OLFM3: variants seen among roughly 807,000 people sequenced by gnomAD.
The protein encoded by OLFM3 is olfactomedin 3.
OLFM3 carries 20 observed loss-of-function variants against 48.6 expected under a neutral mutation model. That is an observed-to-expected ratio of 0.41 (90% CI 0.29 to 0.60). The LOEUF (loss-of-function observed/expected upper bound fraction) is 0.60, where lower values mean the gene tolerates loss of function less well. Among genes scored for constraint, OLFM3 ranks in the 20% least tolerant of loss-of-function variants. OLFM3 has a pLI of 0.28. For missense variants in OLFM3, 437 were observed against 544.3 expected (o/e 0.80, Z 1.96); for synonymous variants, 222 against 198.1 (o/e 1.12, Z -1.01).
At chr1:101,937,744 C>A (rs1425151725) in intron 1 of OLFM3, among the ~76,000 whole-genome samples, 2 of 152,140 alleles carry the variant, frequency 1.3e-5, no homozygotes, top group Non-Finnish European at 2.9e-5. Flanking sequence ...TCAGATATAC[C>A]AAAGTTCACT....
chr1:101,848,173 T>C (rs1189752665), intron 1 of OLFM3, among the ~76,000 whole-genome samples: 1 of 152,130 alleles, frequency 6.6e-6, no homozygotes, highest in Non-Finnish European at 1.5e-5. Flanking sequence ...ATCCAATATA[T>C]GTGTTTTAAA....
At chr1:101,828,741 C>T (rs774860728) in intron 3 of OLFM3, among the ~76,000 whole-genome samples, 3 of 152,264 alleles carry the variant, frequency 2.0e-5, no homozygotes, top group South Asian at 2.1e-4. Context: ...TGTCCATCTA[C>T]GCCAAACAGT....
chr1:101,911,758 C>T (rs1250107948), intron 1 of OLFM3, among the ~76,000 whole-genome samples: 2 of 152,168 alleles, frequency 1.3e-5, no homozygotes, highest in African/African-American at 4.8e-5. Flanking sequence ...GAAGCTACCA[C>T]CAAACCACCA....
At chr1:101,934,424 C>T (rs1184758744) in intron 1 of OLFM3, among the ~76,000 whole-genome samples, 1 of 152,128 alleles carries the variant, frequency 6.6e-6, no homozygotes, top group Non-Finnish European at 1.5e-5. Context: ...AGTTGGCTAT[C>T]CTAAATATAT....
At chr1:101,813,837 G>C (rs1252193988) in intron 4 of OLFM3, among the ~76,000 whole-genome samples, 1 of 152,062 alleles carries the variant, frequency 6.6e-6, no homozygotes, top group Admixed American at 6.6e-5. Flanking sequence ...ACTAATATTT[G>C]TAGTGTTAAT....
chr1:101,903,858 T>C (rs17472751), intron 1 of OLFM3, among the ~76,000 whole-genome samples: 27,470 of 152,054 alleles, frequency 0.18, 3,158 homozygotes, highest in Non-Finnish European at 0.27. Flanking sequence ...TACATGGCAA[T>C]ACATTATTTT....
intron 1 of OLFM3, among the ~76,000 whole-genome samples, chr1:101,961,867 C>T (rs534870477): frequency 2.6e-5 from 4 of 152,126 alleles, no homozygotes; most frequent in African/African-American, 9.6e-5. Flanking sequence ...CAATGTGTAC[C>T]TTGAAGGGTA....
chr1:101,858,413 C>A (rs942926846), intron 1 of OLFM3, among the ~76,000 whole-genome samples: 4 of 151,990 alleles, frequency 2.6e-5, no homozygotes, highest in African/African-American at 9.7e-5. Context: ...GACTCAAGAT[C>A]TCCCATTCTA....
At chr1:101,974,055 T>C (rs1660882001) in intron 1 of OLFM3, among the ~76,000 whole-genome samples, 1 of 151,930 alleles carries the variant, frequency 6.6e-6, no homozygotes, top group African/African-American at 2.4e-5. Context: ...TTACAATGCA[T>C]ATATACAAGG....
At position 101,874,686 on chromosome 1, in the gene OLFM3, C is replaced by A. The variant is rs1007601263; in HGVS notation, c.70-37661G>T. Among the ~76,000 whole-genome samples, 5 of 151,780 alleles carry A rather than the reference C, an allele frequency of 3.3e-5. No individual in the cohort carries two copies. The East Asian group carries it at 7.7e-4, about 23-fold the overall frequency. ...AGGCTCAAAAACATTAAAATTCTTG[C>A]CCAGGGTCACACAGAATAACTGGTA... On this transcript the variant is annotated intron_variant, in intron 1 of 5. Transcript: ENST00000370103.
At chr1:101,845,796 C>T (rs1436234087) in intron 1 of OLFM3, among the ~76,000 whole-genome samples, 1 of 152,164 alleles carries the variant, frequency 6.6e-6, no homozygotes, top group East Asian at 1.9e-4. Flanking sequence ...CTGCTGGTGC[C>T]TTAAGCACTG....
chr1:101,923,164 C>T (rs139400150), intron 1 of OLFM3, among the ~76,000 whole-genome samples: 124 of 152,288 alleles, frequency 8.1e-4, no homozygotes, highest in African/African-American at 2.7e-3. Context: ...ATTTCATAGG[C>T]ATATCTCTGT....
Position 101,911,662 on chromosome 1 carries a change from A to T in OLFM3, c.70-74637T>A, listed in dbSNP as rs1005602094. ...AGCAATGAGCTTTACACATACAGTT[A>T]ATGTTTTAAGGGGCTAATACATGCA... On this transcript the variant is annotated intron_variant, in intron 1 of 5. Transcript: ENST00000370103. 2.0e-5 allele frequency among the ~76,000 whole-genome samples: 3 copies of T among 152,204 alleles called. No individual in the cohort carries two copies. The East Asian group carries it at 5.8e-4, about 29-fold the overall frequency.
At position 101,942,876 on chromosome 1, in the gene OLFM3, T is replaced by C. The variant is rs576462832; in HGVS notation, c.69+53872A>G. ...GACCTTTAGCCTTTTAGCAATTAGA[T>C]CATAATTTTTTCTTTGGTTACTAAC... On this transcript the variant is annotated intron_variant, in intron 1 of 5. Transcript: ENST00000370103. 3.3e-5 allele frequency among the ~76,000 whole-genome samples: 5 copies of C among 152,314 alleles called. No individual in the cohort carries two copies. In the South Asian group the frequency reaches 1.0e-3, roughly 32 times the overall value.
chr1:101,949,643 T>C (rs1660059826), intron 1 of OLFM3, among the ~76,000 whole-genome samples: 1 of 152,142 alleles, frequency 6.6e-6, no homozygotes, highest in African/African-American at 2.4e-5. Context: ...AAAAAGCCTC[T>C]GATACGGCCT....
At chr1:101,953,930 A>C (rs1445820172) in intron 1 of OLFM3, among the ~76,000 whole-genome samples, 1 of 152,082 alleles carries the variant, frequency 6.6e-6, no homozygotes, top group African/African-American at 2.4e-5. Context: ...GAGAGTCTTT[A>C]ATGGAAAGCT....
chr1:101,991,426 G>T (rs1013899181), intron 1 of OLFM3, among the ~76,000 whole-genome samples: 4 of 151,912 alleles, frequency 2.6e-5, no homozygotes, highest in Non-Finnish European at 4.4e-5. Flanking sequence ...TTAGCTGAAG[G>T]TTTATCCAGT....
chr1:101,996,648 C>G, intron 1 of OLFM3, 100 bp downstream of exon 1: 1 of 1,206,682 alleles, frequency 8.3e-7, no homozygotes, highest in Non-Finnish European at 1.2e-6. Flanking sequence ...GCTGAAAGAG[C>G]TGTCTCTCGT....
chr1:101,821,980 C>T (rs1366442502), intron 4 of OLFM3, among the ~76,000 whole-genome samples: 1 of 152,000 alleles, frequency 6.6e-6, no homozygotes, highest in Non-Finnish European at 1.5e-5. Flanking sequence ...TTAAAAAGAT[C>T]TGTGATGTTA....
Sources: gnomAD v4.1 joint callset for allele counts (sites outside exome capture counted in the v4.1 genomes callset) on GRCh38, gnomAD v4.1.1 for gene constraint, MANE v1.5 for transcripts, NCBI Gene and HGNC (gene_info 2026-07-23, HGNC 2026-07-21) for gene names.